Variants in SMARCD3 observed in about 807,000 individuals in gnomAD.
SMARCD3 encodes the protein SWI/SNF-related matrix-associated actin-dependent regulator of chromatin subfamily D member 3.
A neutral mutation model predicts 58.0 loss-of-function variants in SMARCD3; 14 were observed. The observed-to-expected ratio is 0.24, with a 90% CI of 0.16 to 0.38. The LOEUF (loss-of-function observed/expected upper bound fraction) is 0.38, where lower values mean the gene tolerates loss of function less well. Ranked by LOEUF, SMARCD3 falls within the 10% of genes least tolerant of loss-of-function variation. The pLI, the probability that SMARCD3 is intolerant of heterozygous loss-of-function variation, is 1.00. For synonymous variants in SMARCD3, 253 were observed against 253.8 expected (o/e 1.00, Z 0.03); for missense variants, 408 against 636.9 (o/e 0.64, Z 3.87).
chr7:151,258,255 C>CA (rs991356944), intron 2 of SMARCD3, among the ~76,000 whole-genome samples: 1 of 152,064 alleles, frequency 6.6e-6, no homozygotes, highest in Non-Finnish European at 1.5e-5. Flanking sequence ...CTCAACATGG[C>CA]AACAGGTTCT....
intron 2 of SMARCD3, among the ~76,000 whole-genome samples, chr7:151,258,521 C>T (rs963403441): frequency 6.1e-5 from 9 of 147,766 alleles, no homozygotes; most frequent in South Asian, 2.1e-4. Context: ...GCCAAGATTT[C>T]GCCACTGCAC....
chr7:151,272,770 A>T (rs1281720632), intron 2 of SMARCD3, among the ~76,000 whole-genome samples: 1 of 152,142 alleles, frequency 6.6e-6, no homozygotes, highest in Non-Finnish European at 1.5e-5. Flanking sequence ...ATTAGCAAGG[A>T]GCACAGGGGG....
intron 2 of SMARCD3, among the ~76,000 whole-genome samples, chr7:151,274,060 A>G (rs1278264817): frequency 2.6e-5 from 4 of 152,222 alleles, no homozygotes; most frequent in Non-Finnish European, 4.4e-5. Flanking sequence ...TTCCAATTGC[A>G]CCTTTCCAGG....
chr7:151,240,579 A>G (rs1206737685), intron 8 of SMARCD3, 57 bp from the exon 9 acceptor site: 8 of 1,267,622 alleles, frequency 6.3e-6, no homozygotes, highest in Middle Eastern at 1.9e-4. Context: ...ATCATCATGC[A>G]GTTGTAGATC....
At chr7:151,265,849 T>G (rs2150613123) in intron 2 of SMARCD3, among the ~76,000 whole-genome samples, 1 of 152,348 alleles carries the variant, frequency 6.6e-6, no homozygotes, top group East Asian at 1.9e-4. Context: ...AAAATTCTCT[T>G]TAAGTCACAG....
chr7:151,239,491 T>C lies in SMARCD3; in HGVS notation c.1303A>G (p.Thr435Ala). ...RSQSRDLKVM[T>A]DVAGNPEEER... ...TCTTCAGGGTTGCCGGCTACATCTG[T>C]CATCACCTGGGAGGGAGCGTGGGGT... is the stretch of plus-strand genomic sequence containing the variant. Residue 435 changes from threonine to alanine, a missense_variant, in exon 12 of 13, where the codon ACA becomes GCA. Transcript: ENST00000262188. The surrounding 1 kb of genome is among the most constrained non-coding windows in gnomAD (Gnocchi z 7.0). The C allele has an allele frequency of 6.2e-7, 1 of 1,613,428 alleles. No homozygotes were observed. The highest frequency in any genetic ancestry group is 1.1e-5 in the South Asian group (1 of 91,074).
chr7:151,262,373 T>C (rs1803945346), intron 2 of SMARCD3, among the ~76,000 whole-genome samples: 1 of 152,240 alleles, frequency 6.6e-6, no homozygotes, highest in Non-Finnish European at 1.5e-5. Context: ...TGAGCCACCA[T>C]GCCCAGCTTT....
chr7:151,244,544 C>A (rs1263278797), intron 2 of SMARCD3, among the ~76,000 whole-genome samples: 1 of 152,072 alleles, frequency 6.6e-6, no homozygotes. Flanking sequence ...GGCTAACAAG[C>A]GGATTTCATT....
Position 151,241,254 on chromosome 7 carries a change from T to C in SMARCD3, c.939+238A>G. The C allele has an allele frequency of 1.8e-6, 1 of 563,876 alleles. No individual in the cohort carries two copies. 34.9% of individuals were successfully genotyped at this position (563,876 alleles called of 1,614,324 possible). On this transcript the variant is annotated intron_variant, in intron 8 of 12. Coordinates refer to ENST00000262188, the MANE Select transcript of SMARCD3 (RefSeq NM_001003801.2). This position sits in a 1 kb window ranked among gnomAD's most constrained non-coding sequence, Gnocchi z 5.3. Reference sequence around the variant, plus strand: ...CAGAAAGCGGTTGGCTTTGTAGGGTTTCCAGGTCTTCCTAACTTGGGGGGG... The same window carrying C: ...CAGAAAGCGGTTGGCTTTGTAGGGTCTCCAGGTCTTCCTAACTTGGGGGGG...
intron 2 of SMARCD3, chr7:151,254,182 CATA>C (rs1472482573): frequency 6.6e-6 from 1 of 152,314 alleles, no homozygotes; most frequent in Non-Finnish European, 1.5e-5. Flanking sequence ...CACCCATCCC[CATA>C]ATATCCCCTG....
At chr7:151,240,620 A>G in intron 8 of SMARCD3, 98 bp from the exon 9 acceptor site, 2 of 857,750 alleles carry the variant, frequency 2.3e-6, no homozygotes, top group Non-Finnish European at 3.6e-6. Context: ...CAAGAAGCTG[A>G]GAGGAAGTCT....
chr7:151,245,398 TCCCTGCGGGTCCCCCAGGGCCCGC>T lies in SMARCD3; in HGVS notation c.290+38_290+61del, dbSNP rs994010995. On this transcript the variant is annotated intron_variant, in intron 2 of 12. Transcript: ENST00000262188. The surrounding 1 kb of genome is among the most constrained non-coding windows in gnomAD (Gnocchi z 6.2). ...CAATCCCCGCTACTCGCTTACCTGG[TCCCTGCGGGTCCCCCAGGGCCCGC>T]CCCTGCACGCCCCCTCCTCGCCGGG... is the stretch of plus-strand genomic sequence containing the variant. The T allele has an allele frequency of 3.3e-6, 2 of 605,518 alleles. No individual in the cohort carries two copies. The highest frequency in any genetic ancestry group is 1.9e-5 in the African/African-American group (1 of 52,282). The allele number at this position is 605,518 out of a possible 1,614,324, so 37.5% of individuals were successfully genotyped here. A position where few individuals can be genotyped will look rare whatever the true frequency, so the allele number is the denominator to read the frequency against.
chr7:151,248,571 G>T lies in SMARCD3; in HGVS notation c.-9C>A, dbSNP rs1423583218. On this transcript the variant is annotated 5_prime_UTR_variant, in exon 1 of 13. Coordinates refer to ENST00000262188, the MANE Select transcript of SMARCD3 (RefSeq NM_001003801.2). This position sits in a 1 kb window ranked among gnomAD's most constrained non-coding sequence, Gnocchi z 6.1. Reference sequence around the variant, plus strand: ...ACTTCGTCCGCGGCCATCGGGGTGGGCTCAGCGGCTCCTCTCACTCTCTCT... The same window carrying T: ...ACTTCGTCCGCGGCCATCGGGGTGGTCTCAGCGGCTCCTCTCACTCTCTCT... The T allele has an allele frequency of 2.5e-6, 4 of 1,613,562 alleles. No homozygotes were observed. The highest frequency in any genetic ancestry group is 3.4e-6 in the Non-Finnish European group (4 of 1,179,688).
intron 8 of SMARCD3, 113 bp from the exon 9 acceptor site, chr7:151,240,635 C>A (rs778490054): frequency 2.9e-5 from 23 of 780,770 alleles, no homozygotes; most frequent in Middle Eastern, 2.3e-4. Context: ...AAGTCTGATT[C>A]CTCAGTGCGC....
chr7:151,277,052 G>A (rs541600939), upstream of SMARCD3: 874 of 149,534 alleles, frequency 5.8e-3, 11 homozygotes, highest in African/African-American at 0.02. Flanking sequence ...AGGGCCGTGG[G>A]GGCCGCGCGG....
Position 151,242,842 on chromosome 7 carries a change from A to ATC in SMARCD3, c.334-1_334dup (p.Ile112ArgfsTer37). ...CTGGGACTCGGGGACCAGCTCCCGA[A>ATC]TCTGGAGAAGGAGGAGCAGGGCAGG... On this transcript the variant is annotated frameshift_variant and splice_region_variant, in exon 4 of 13. Transcript: ENST00000262188. LOFTEE classifies it high-confidence loss of function. The surrounding 1 kb of genome is among the most constrained non-coding windows in gnomAD (Gnocchi z 4.7). 6.2e-7 allele frequency: 1 copy of ATC among 1,614,098 alleles called. No individual in the cohort carries two copies. Among genetic ancestry groups the ATC allele is most frequent in the Non-Finnish European group, 8.5e-7 (1 of 1,179,966 alleles).
chr7:151,258,782 G>A (rs114688620), intron 2 of SMARCD3, among the ~76,000 whole-genome samples: 1,759 of 151,972 alleles, frequency 0.012, 45 homozygotes, highest in African/African-American at 0.039. Context: ...TGGGCTCCCT[G>A]TGGTGCTTTG....
intron 2 of SMARCD3, among the ~76,000 whole-genome samples, chr7:151,270,037 T>A (rs1795127527): frequency 6.6e-6 from 1 of 152,186 alleles, no homozygotes; most frequent in Non-Finnish European, 1.5e-5. Flanking sequence ...CAGAGCTGGA[T>A]GTTCCGAGCG....
intron 2 of SMARCD3, among the ~76,000 whole-genome samples, chr7:151,256,485 T>C (rs1307019119): frequency 1.3e-5 from 2 of 152,128 alleles, no homozygotes; most frequent in African/African-American, 2.4e-5. Flanking sequence ...GTGTACACTC[T>C]TGACTCTCTT....
Sources: allele counts gnomAD v4.1 joint callset (sites outside exome capture counted in the v4.1 genomes callset), GRCh38; gene constraint gnomAD v4.1.1; non-coding constraint Gnocchi (gnomAD v3.1); transcripts MANE v1.5; gene names NCBI Gene and HGNC (gene_info 2026-07-23, HGNC 2026-07-21).